CCR3: variants seen among roughly 807,000 people sequenced by gnomAD.
CCR3 encodes C-C chemokine receptor type 3.
For missense variants in CCR3, 419 were observed against 437.5 expected, an observed-to-expected ratio of 0.96 and a Z score of 0.38; for synonymous variants, 203 against 179.2, an observed-to-expected ratio of 1.13 and a Z score of -1.06.
upstream of CCR3, among the ~76,000 whole-genome samples, chr3:46,240,812 AGAG>A (rs1159100813): frequency 6.6e-5 from 10 of 152,322 alleles, no homozygotes. Flanking sequence ...TGAGGCACAC[AGAG>A]GTTATGTAGC....
chr3:46,248,888 G>A (rs1017991182), intron 1 of CCR3, among the ~76,000 whole-genome samples: 1 of 152,184 alleles, frequency 6.6e-6, no homozygotes, highest in African/African-American at 2.4e-5. Flanking sequence ...AAACAATTTG[G>A]TTGATAAGGT....
Position 46,266,431 on chromosome 3 carries a change from C to A in CCR3, c.*205C>A. 2.0e-6 allele frequency: 1 copy of A among 490,770 alleles called. No homozygotes were observed. Among genetic ancestry groups the A allele is most frequent in the Non-Finnish European group, 3.7e-6 (1 of 271,476 alleles). 30.4% of individuals were successfully genotyped at this position (490,770 alleles called of 1,614,324 possible). On this transcript the variant is annotated 3_prime_UTR_variant, in exon 2 of 2. Transcript: ENST00000395940. Reference sequence around the variant, plus strand: ...CACAGGCCAGGGGCTGGGCAGCGTACTCATCATCAACCCTAAAAAGCAGAG... The same window carrying A: ...CACAGGCCAGGGGCTGGGCAGCGTAATCATCATCAACCCTAAAAAGCAGAG...
chr3:46,252,371 G>T (rs1343799263), intron 1 of CCR3, among the ~76,000 whole-genome samples: 1 of 151,080 alleles, frequency 6.6e-6, no homozygotes, highest in Admixed American at 6.6e-5. Flanking sequence ...TAGAGACAAG[G>T]TTTCACCATG....
intron 2 of CCR3, among the ~76,000 whole-genome samples, chr3:46,217,213 A>G (rs1387203274): frequency 2.6e-5 from 4 of 152,236 alleles, no homozygotes; most frequent in Non-Finnish European, 4.4e-5. Flanking sequence ...TAAAAAAGAC[A>G]AAGAGAAACA....
At chr3:46,252,860 T>A (rs183312540) in intron 1 of CCR3, among the ~76,000 whole-genome samples, 5 of 152,258 alleles carry the variant, frequency 3.3e-5, no homozygotes, top group African/African-American at 1.2e-4. Flanking sequence ...TACCCCTAAG[T>A]TTCCCCTTTT....
intron 2 of CCR3, among the ~76,000 whole-genome samples, chr3:46,229,643 GGGAGTTAT>G (rs1289986682): frequency 6.6e-6 from 1 of 152,100 alleles, no homozygotes; most frequent in Non-Finnish European, 1.5e-5. Flanking sequence ...TCTTGATTAT[GGGAGTTAT>G]TTAACAGATG....
chr3:46,264,587 C>CA, intron 1 of CCR3: 1 of 612,444 alleles, frequency 1.6e-6, no homozygotes, highest in East Asian at 3.2e-5. Flanking sequence ...GGATTTTGAA[C>CA]AAATTACTAA....
rs199623852 is a variant in CCR3 at position 46,266,205 on chromosome 3, G to A, written c.1047G>A (p.Pro349=). The change falls in exon 2 of 2, where the codon CCG becomes CCA. Residue 349 remains proline (P), a synonymous_variant. Coordinates refer to ENST00000395940, the MANE Select transcript of CCR3 (RefSeq NM_178329.3). ...TSSVSPSTAE[P]ELSIVF ...CTGTCTCTCCATCCACAGCAGAGCC[G>A]GAACTCTCTATTGTGTTTTAGGTCA... is the stretch of plus-strand genomic sequence containing the variant. 285 of 1,611,844 alleles carry A rather than the reference G, an allele frequency of 1.8e-4. No homozygotes were observed. The highest frequency in any genetic ancestry group is 2.4e-4 in the Non-Finnish European group (277 of 1,178,660).
intron 1 of CCR3, among the ~76,000 whole-genome samples, chr3:46,261,839 C>G (rs1269274602): frequency 6.6e-6 from 1 of 152,220 alleles, no homozygotes; most frequent in East Asian, 1.9e-4. Flanking sequence ...TAGCCTGGGC[C>G]AGGGCCAGGG....
At chr3:46,262,161 A>G (rs143344908) in intron 1 of CCR3, among the ~76,000 whole-genome samples, 2 of 152,362 alleles carry the variant, frequency 1.3e-5, no homozygotes, top group East Asian at 3.9e-4. Flanking sequence ...CTGACAGCAT[A>G]AAGAGGATGA....
chr3:46,260,858 C>G (rs997833508), intron 1 of CCR3, among the ~76,000 whole-genome samples: 2 of 152,110 alleles, frequency 1.3e-5, no homozygotes, highest in African/African-American at 4.8e-5. Flanking sequence ...TCCAAGAAAA[C>G]TTTGTGGTTT....
At chr3:46,265,088 T>G in intron 1 of CCR3, 60 bp from the exon 2 acceptor site, 1 of 1,065,106 alleles carries the variant, frequency 9.4e-7, no homozygotes, top group Non-Finnish European at 1.4e-6. Flanking sequence ...TCAACTGGTG[T>G]GTTTTACGAA....
At chr3:46,232,924 C>A in intron 2 of CCR3, among the ~76,000 whole-genome samples, 1 of 152,236 alleles carries the variant, frequency 6.6e-6, no homozygotes, top group Non-Finnish European at 1.5e-5. Flanking sequence ...CCTCTACTTC[C>A]TGATTTCAAG....
At position 46,265,368 on chromosome 3, in the gene CCR3, C is replaced by T. The variant is rs756737803; in HGVS notation, c.210C>T (p.Asn70=). ...ACAGGAGGCTCCGAATTATGACCAA[C>T]ATCTACCTGCTCAACCTGGCCATTT... ...IKYRRLRIMT[N]IYLLNLAISD... is the part of the protein sequence containing the mutation. The change falls in exon 2 of 2, where the codon AAC becomes AAT. Residue 70 remains asparagine, a synonymous_variant. Transcript: ENST00000395940. 1.2e-6 allele frequency: 2 copies of T among 1,614,164 alleles called. No individual in the cohort carries two copies. Among genetic ancestry groups the T allele is most frequent in the Admixed American group, 1.7e-5 (1 of 60,026 alleles).
chr3:46,263,961 A>G (rs1700572637), intron 1 of CCR3: 1 of 160,982 alleles, frequency 6.2e-6, no homozygotes, highest in African/African-American at 2.4e-5. Context: ...ATCGGCCTGT[A>G]TATTCACATC....
chr3:46,230,726 G>A (rs1490893879), intron 2 of CCR3, among the ~76,000 whole-genome samples: 5 of 151,956 alleles, frequency 3.3e-5, no homozygotes, highest in East Asian at 1.9e-4. Context: ...TCCTCGCCCC[G>A]TCCTCCGGAT....
upstream of CCR3, among the ~76,000 whole-genome samples, chr3:46,238,733 G>A (rs909530090): frequency 2.0e-5 from 3 of 152,150 alleles, no homozygotes; most frequent in Non-Finnish European, 4.4e-5. Context: ...TTTCTCAGGT[G>A]AGACAGAGAA....
chr3:46,214,249 T>G (rs1699748403), intron 2 of CCR3, among the ~76,000 whole-genome samples: 1 of 152,178 alleles, frequency 6.6e-6, no homozygotes, highest in South Asian at 2.1e-4. Flanking sequence ...AGAAGAAACT[T>G]TCTACAAGCC....
At chr3:46,228,295 A>C (rs770463335) in intron 2 of CCR3, among the ~76,000 whole-genome samples, 2 of 152,058 alleles carry the variant, frequency 1.3e-5, no homozygotes, top group Non-Finnish European at 2.9e-5. Context: ...TACAAAGAGA[A>C]ATTTTTTTCT....
Sources: allele counts gnomAD v4.1 joint callset (sites outside exome capture counted in the v4.1 genomes callset), GRCh38; gene constraint gnomAD v4.1.1; transcripts MANE v1.5; gene names NCBI Gene and HGNC (gene_info 2026-07-23, HGNC 2026-07-21).